Variants in SMIM36 observed in about 807,000 individuals in gnomAD.
SMIM36 encodes the protein small integral membrane protein 36.
intron 3 of SMIM36, among the ~76,000 whole-genome samples, chr17:55,472,740 G>A (rs149991250): frequency 6.0e-4 from 91 of 151,882 alleles, no homozygotes; most frequent in African/African-American, 2.1e-3. Context: ...GTGTGGTGGC[G>A]GACAACTGTC....
chr17:55,508,518 T>C (rs527923853), intron 1 of SMIM36, among the ~76,000 whole-genome samples: 40 of 148,468 alleles, frequency 2.7e-4, no homozygotes, highest in African/African-American at 9.2e-4. Flanking sequence ...AACCTTCTTA[T>C]TTCTTTCCCT....
intron 4 of SMIM36, among the ~76,000 whole-genome samples, chr17:55,453,091 C>T (rs1908951115): frequency 6.6e-6 from 1 of 152,176 alleles, no homozygotes; most frequent in African/African-American, 2.4e-5. Context: ...AGAAAGATCA[C>T]TTGAGCCCAG....
chr17:55,452,240 G>A (rs1305408793), intron 4 of SMIM36, among the ~76,000 whole-genome samples: 5 of 151,966 alleles, frequency 3.3e-5, no homozygotes, highest in Non-Finnish European at 7.4e-5. Flanking sequence ...CCTGAATATA[G>A]ATGTTCCCCA....
At chr17:55,494,165 T>A (rs1909765609) in intron 1 of SMIM36, among the ~76,000 whole-genome samples, 3 of 152,192 alleles carry the variant, frequency 2.0e-5, no homozygotes, top group Admixed American at 6.5e-5. Context: ...GGATGGAGAA[T>A]TCCTGATATG....
intron 1 of SMIM36, among the ~76,000 whole-genome samples, chr17:55,489,688 C>T (rs758746272): frequency 2.0e-5 from 3 of 152,202 alleles, no homozygotes; most frequent in Admixed American, 6.5e-5. Context: ...TGCAGGTGCA[C>T]GGCATTCCAC....
chr17:55,523,200 C>T, the SMIM36 span, among the ~76,000 whole-genome samples: 1 of 152,046 alleles, frequency 6.6e-6, no homozygotes, highest in Admixed American at 6.6e-5. Context: ...AATGAGACCA[C>T]ACAGGGAGAC....
At chr17:55,462,951 C>T (rs1185172905) in intron 4 of SMIM36, among the ~76,000 whole-genome samples, 2 of 152,266 alleles carry the variant, frequency 1.3e-5, no homozygotes, top group African/African-American at 4.8e-5. Flanking sequence ...AGGCCTTTCC[C>T]ACATGATGAT....
intron 3 of SMIM36, among the ~76,000 whole-genome samples, chr17:55,475,144 C>T (rs1421590684): frequency 6.6e-6 from 1 of 152,162 alleles, no homozygotes; most frequent in Non-Finnish European, 1.5e-5. Flanking sequence ...GTCATCCCTA[C>T]TATCTTCTGT....
At chr17:55,457,817 C>T (rs182975539) in intron 4 of SMIM36, among the ~76,000 whole-genome samples, 13 of 152,176 alleles carry the variant, frequency 8.5e-5, no homozygotes, top group East Asian at 7.7e-4. Flanking sequence ...TGAGCTACCG[C>T]GCCGGCCTTT....
intron 1 of SMIM36, among the ~76,000 whole-genome samples, chr17:55,501,457 A>G (rs1365213358): frequency 5.3e-5 from 3 of 56,356 alleles, no homozygotes; most frequent in Non-Finnish European, 9.6e-5. Context: ...ATAATATATT[A>G]TTATATATTA....
At chr17:55,486,201 AT>A (rs901942774) in intron 1 of SMIM36, among the ~76,000 whole-genome samples, 42 of 150,922 alleles carry the variant, frequency 2.8e-4, no homozygotes, top group South Asian at 1.7e-3. Flanking sequence ...TACACAGCTA[AT>A]TTTTTTTTGT....
chr17:55,483,173 C>T (rs1909547715), intron 1 of SMIM36, among the ~76,000 whole-genome samples: 1 of 152,212 alleles, frequency 6.6e-6, no homozygotes, highest in African/African-American at 2.4e-5. Flanking sequence ...TCAGCTCTGT[C>T]TAGCGTGAAA....
chr17:55,480,774 C>T (rs545911971), intron 1 of SMIM36, among the ~76,000 whole-genome samples: 1 of 152,186 alleles, frequency 6.6e-6, no homozygotes, highest in South Asian at 2.1e-4. Flanking sequence ...TGCTGTCTCT[C>T]AGAGACAATG....
chr17:55,468,999 C>G (rs1244270599), intron 3 of SMIM36, among the ~76,000 whole-genome samples: 1 of 152,160 alleles, frequency 6.6e-6, no homozygotes, highest in East Asian at 1.9e-4. Context: ...CAGTCCCTCC[C>G]TAGTCTCTGC....
At chr17:55,514,325 C>G (rs1288454425), upstream of SMIM36, among the ~76,000 whole-genome samples, 2 of 152,134 alleles carry the variant, frequency 1.3e-5, no homozygotes, top group Admixed American at 6.5e-5. Flanking sequence ...CTTGAGGTAG[C>G]CTTGACATAC....
At chr17:55,463,092 A>G (rs1186967324) in intron 4 of SMIM36, among the ~76,000 whole-genome samples, 1 of 152,196 alleles carries the variant, frequency 6.6e-6, no homozygotes, top group Non-Finnish European at 1.5e-5. Context: ...GTAATAATAC[A>G]TAACTGCCCC....
intron 3 of SMIM36, among the ~76,000 whole-genome samples, chr17:55,473,797 G>A (rs1164183795): frequency 6.6e-6 from 1 of 152,040 alleles, no homozygotes; most frequent in Admixed American, 6.5e-5. Flanking sequence ...AGATAAGGCG[G>A]GAGACCACCC....
In SMIM36 at chr17:55,509,175, G is replaced by A. The variant is rs140578299; in HGVS notation, c.*174+1704C>T. Among the ~76,000 whole-genome samples, 22 of 152,256 alleles carry A rather than the reference G, an allele frequency of 1.4e-4. No homozygotes were observed. The East Asian group carries it at 3.9e-3, about 27-fold the overall frequency. ...AGGCAAAACAGTGCTCATTGTCAAA[G>A]CTGGCAGGGCAGGCTGGCCAGGCCC... On this transcript the variant is annotated intron_variant, in intron 1 of 4. Coordinates refer to ENST00000636752, the Ensembl canonical transcript of SMIM36.
At chr17:55,474,646 G>A (rs1323226045) in intron 3 of SMIM36, among the ~76,000 whole-genome samples, 1 of 152,146 alleles carries the variant, frequency 6.6e-6, no homozygotes, top group African/African-American at 2.4e-5. Context: ...GACCTGGCTT[G>A]GATTTCCTGA....
Sources: gnomAD v4.1 joint callset for allele counts (sites outside exome capture counted in the v4.1 genomes callset) on GRCh38, gnomAD v4.1.1 for gene constraint, MANE v1.5 for transcripts, NCBI Gene and HGNC (gene_info 2026-07-23, HGNC 2026-07-21) for gene names.